The following CELF5 variants were observed in gnomAD, a reference collection of about 807,000 sequenced individuals.
CELF5 encodes the protein CUG-BP and ETR-3 like factor 5.
Under a neutral mutation model 54.9 loss-of-function variants are expected in CELF5, and 6 were observed. The ratio of observed to expected loss-of-function variants is 0.11; its 90% CI spans 0.06 to 0.22. The LOEUF is 0.22. Among genes scored for constraint, CELF5 ranks in the 10% least tolerant of loss-of-function variants. CELF5 has a pLI of 1.00. For synonymous variants in CELF5, 271 were observed against 290.9 expected, an observed-to-expected ratio of 0.93 and a Z score of 0.70; for missense variants, 401 against 678.6, an observed-to-expected ratio of 0.59 and a Z score of 4.54.
At chr19:3,265,699 G>A (rs1190118361) in intron 2 of CELF5, among the ~76,000 whole-genome samples, 1 of 152,166 alleles carries the variant, frequency 6.6e-6, no homozygotes, top group African/African-American at 2.4e-5. Context: ...TCCATCCCTT[G>A]TTTAGCATGT....
At chr19:3,269,422 C>A (rs1293985555) in intron 2 of CELF5, among the ~76,000 whole-genome samples, 3 of 152,160 alleles carry the variant, frequency 2.0e-5, no homozygotes, top group African/African-American at 7.2e-5. Context: ...AGGTGATCCA[C>A]CTGCCTCGAC....
chr19:3,236,879 C>T (rs1917627607), intron 1 of CELF5, among the ~76,000 whole-genome samples: 1 of 151,042 alleles, frequency 6.6e-6, no homozygotes, highest in Non-Finnish European at 1.5e-5. Flanking sequence ...ATACCAGCTA[C>T]TTGGGAGGCC....
At chr19:3,277,449 G>A (rs1292978614) in intron 4 of CELF5, among the ~76,000 whole-genome samples, 1 of 152,190 alleles carries the variant, frequency 6.6e-6, no homozygotes, top group Non-Finnish European at 1.5e-5. Context: ...TCTAGCCTGG[G>A]TGACGGAGCA....
At chr19:3,285,920 T>A in intron 9 of CELF5, 22 bp from the exon 10 acceptor site, 1 of 1,533,132 alleles carries the variant, frequency 6.5e-7, no homozygotes, top group Non-Finnish European at 8.7e-7. Context: ...CCTCGCCCTG[T>A]GTCTCGCTCC....
chr19:3,281,255 C>T lies in CELF5; in HGVS notation c.660C>T (p.Leu220=). ...CCGACACGGACAAGGAGCGGACGCT[C>T]CGGCGCATGCAGCAGATGGTGGGCC... is the stretch of plus-strand genomic sequence containing the variant. The part of the protein sequence containing the change: ...KFADTDKERT[L]RRMQQMVGQL... Residue 220 remains leucine (L), a synonymous_variant, in exon 6 of 13, where the codon CTC becomes CTT. Coordinates refer to ENST00000292672, the MANE Select transcript of CELF5 (RefSeq NM_021938.4). The surrounding 1 kb of genome is among the most constrained non-coding windows in gnomAD (Gnocchi z 6.5). The T allele has an allele frequency of 6.2e-7, 1 of 1,611,208 alleles. No homozygotes were observed. The highest frequency in any genetic ancestry group is 8.5e-7 in the Non-Finnish European group (1 of 1,179,924).
chr19:3,243,835 C>T (rs1041833545), intron 1 of CELF5, among the ~76,000 whole-genome samples: 4 of 152,128 alleles, frequency 2.6e-5, no homozygotes, highest in East Asian at 3.9e-4. Context: ...GTCCCATCTC[C>T]GCCTGCATCT....
chr19:3,242,949 G>A (rs1485116583), intron 1 of CELF5, among the ~76,000 whole-genome samples: 1 of 149,692 alleles, frequency 6.7e-6, no homozygotes, highest in Middle Eastern at 3.4e-3. Context: ...GAGCAACAGA[G>A]CGAGACTCCA....
Position 3,286,125 on chromosome 19 carries a change from G to A in CELF5, c.1186+100G>A, listed in dbSNP as rs553988974. On this transcript the variant is annotated intron_variant, in intron 10 of 12. Coordinates refer to ENST00000292672, the MANE Select transcript of CELF5 (RefSeq NM_021938.4). ...TGGCCCGGGCCTCTGGGACCCGCGG[G>A]GCTGAGAGTGCGGCCTGGGGGCTGG... 6.4e-4 allele frequency: 681 copies of A among 1,066,416 alleles called. 4 individuals are homozygous for A. In the African/African-American group the frequency reaches 0.011, roughly 17 times the overall value. 66.1% of individuals were successfully genotyped at this position (1,066,416 alleles called of 1,614,324 possible). A position where few individuals can be genotyped will look rare whatever the true frequency, so the allele number is the denominator to read the frequency against.
chr19:3,290,206 A>G, intron 10 of CELF5, 25 bp from the exon 11 acceptor site: 2 of 1,609,618 alleles, frequency 1.2e-6, no homozygotes, highest in Non-Finnish European at 1.7e-6. Flanking sequence ...TGGGGGCTTT[A>G]TGTCTTTCTC....
chr19:3,258,369 G>A (rs1190776735), intron 2 of CELF5, among the ~76,000 whole-genome samples: 5 of 150,850 alleles, frequency 3.3e-5, no homozygotes, highest in East Asian at 1.9e-4. Context: ...CAATCCTCCC[G>A]CCTTGGCCTC....
chr19:3,275,637 GGAGA>G lies in CELF5; in HGVS notation c.395-218_395-215del, dbSNP rs1187948402. On this transcript the variant is annotated intron_variant, in intron 3 of 12. Transcript: ENST00000292672. The surrounding 1 kb of genome is among the most constrained non-coding windows in gnomAD (Gnocchi z 6.7). The stretch of plus-strand genomic sequence containing the variant: ...GGGGGCGCCACCTGGGCAAAGGCCG[GGAGA>G]TGGGAGCGTGCAGGGCCCGTGGGAG... 1.3e-5 allele frequency among the ~76,000 whole-genome samples: 2 copies of G among 152,210 alleles called. No homozygotes were observed. Among genetic ancestry groups the G allele is most frequent in the African/African-American group, 4.8e-5 (2 of 41,460 alleles).
At chr19:3,259,095 A>C (rs916570830) in intron 2 of CELF5, among the ~76,000 whole-genome samples, 1 of 152,142 alleles carries the variant, frequency 6.6e-6, no homozygotes, top group African/African-American at 2.4e-5. Flanking sequence ...ATGAGTCGAG[A>C]GATGGAAGGA....
chr19:3,232,817 A>G (rs530185707), intron 1 of CELF5, among the ~76,000 whole-genome samples: 3 of 151,938 alleles, frequency 2.0e-5, no homozygotes, highest in Non-Finnish European at 4.4e-5. Flanking sequence ...GCTCACGCCT[A>G]TAATCCCAGC....
At chr19:3,270,654 C>T in intron 2 of CELF5, 1 of 150,666 alleles carries the variant, frequency 6.6e-6, no homozygotes, top group South Asian at 2.0e-4. Context: ...GCCTGGCGCG[C>T]GTCTCCAGGC....
chr19:3,279,982 C>T (rs1447396210), intron 5 of CELF5, among the ~76,000 whole-genome samples: 4 of 152,152 alleles, frequency 2.6e-5, no homozygotes, highest in South Asian at 2.1e-4. Context: ...GGATTACAGG[C>T]ATGAGCCACT....
At chr19:3,270,478 TCCCCG>T (rs1179759117) in intron 2 of CELF5, 2 of 149,868 alleles carry the variant, frequency 1.3e-5, no homozygotes, top group Non-Finnish European at 3.0e-5. Flanking sequence ...GAGACCCAGA[TCCCCG>T]CCTGGCACGC....
chr19:3,275,848 G>A lies in CELF5; in HGVS notation c.395-8G>A, dbSNP rs775818499. On this transcript the variant is annotated splice_region_variant and splice_polypyrimidine_tract_variant and intron_variant, in intron 3 of 12. Transcript: ENST00000292672. The surrounding 1 kb of genome is among the most constrained non-coding windows in gnomAD (Gnocchi z 6.7). ...GGACTCGGCTGAGGTGGGTGTCGCC[G>A]CCCACAGGGGACCGGAAGCTGTTCG... is the stretch of plus-strand genomic sequence containing the variant. 3 of 1,603,452 alleles carry A rather than the reference G, an allele frequency of 1.9e-6. No homozygotes were observed. Among genetic ancestry groups the A allele is most frequent in the South Asian group, 2.2e-5 (2 of 90,740 alleles).
Position 3,278,137 on chromosome 19 carries a change from G to A in CELF5, c.603+27G>A. On this transcript the variant is annotated intron_variant, in intron 5 of 12. Coordinates refer to ENST00000292672, the MANE Select transcript of CELF5 (RefSeq NM_021938.4). This position sits in a 1 kb window ranked among gnomAD's most constrained non-coding sequence, Gnocchi z 4.5. ...TGAGTTGGAGCTGCCCTTGGCCGTG[G>A]GGGTGGGGGTGGGAAAGGGGTGAGG... 2 of 1,494,696 alleles carry A rather than the reference G, an allele frequency of 1.3e-6. No individual in the cohort carries two copies. The highest frequency in any genetic ancestry group is 9.2e-7 in the Non-Finnish European group (1 of 1,081,972). The allele number at this position is 1,494,696 out of a possible 1,614,324, so 92.6% of individuals were successfully genotyped here.
chr19:3,264,771 C>T (rs1398830557), intron 2 of CELF5, among the ~76,000 whole-genome samples: 1 of 150,046 alleles, frequency 6.7e-6, no homozygotes, highest in Non-Finnish European at 1.5e-5. Context: ...GGCCAGAGTG[C>T]AGTAGCGTGA....
Sources: gnomAD v4.1 joint callset for allele counts (sites outside exome capture counted in the v4.1 genomes callset) on GRCh38, gnomAD v4.1.1 for gene constraint, Gnocchi (gnomAD v3.1) non-coding constraint, MANE v1.5 for transcripts, NCBI Gene and HGNC (gene_info 2026-07-23, HGNC 2026-07-21) for gene names.